Variants in CTBP2 observed in about 807,000 individuals in gnomAD.
CTBP2 encodes the protein C-terminal-binding protein 2.
A neutral mutation model predicts 80.3 loss-of-function variants in CTBP2; 30 were observed. The ratio of observed to expected loss-of-function variants is 0.37; its 90% CI spans 0.28 to 0.51. The LOEUF (loss-of-function observed/expected upper bound fraction) is 0.51, where lower values mean the gene tolerates loss of function less well. Ranked by LOEUF, CTBP2 falls within the 20% of genes least tolerant of loss-of-function variation. The pLI, the probability that CTBP2 is intolerant of heterozygous loss-of-function variation, is 0.93. For synonymous variants in CTBP2, 594 were observed against 587.4 expected (o/e 1.01, Z -0.16); for missense variants, 1,212 against 1,375.3 (o/e 0.88, Z 1.88).
intron 2 of CTBP2, among the ~76,000 whole-genome samples, chr10:125,051,246 G>T (rs1348415650): frequency 6.6e-6 from 1 of 152,182 alleles, no homozygotes; most frequent in Non-Finnish European, 1.5e-5. Context: ...TTAGGGAAAG[G>T]CAGGTCCCTG....
intron 2 of CTBP2, among the ~76,000 whole-genome samples, chr10:125,053,755 G>A (rs1032734877): frequency 6.6e-6 from 1 of 152,132 alleles, no homozygotes; most frequent in African/African-American, 2.4e-5. Flanking sequence ...CGGGTCTGAT[G>A]AGTGGGAAGA....
At chr10:125,108,133 G>C (rs975508053) in intron 2 of CTBP2, among the ~76,000 whole-genome samples, 1 of 152,180 alleles carries the variant, frequency 6.6e-6, no homozygotes, top group East Asian at 1.9e-4. Flanking sequence ...GCAACATACA[G>C]AACAGATAGT....
intron 2 of CTBP2, among the ~76,000 whole-genome samples, chr10:125,083,040 G>T (rs557549434): frequency 6.6e-6 from 1 of 152,190 alleles, no homozygotes; most frequent in East Asian, 1.9e-4. Flanking sequence ...AGCCAGCACA[G>T]GGTCCATCTC....
chr10:125,012,132 T>TG (rs1449902934), intron 1 of CTBP2, among the ~76,000 whole-genome samples: 1 of 152,224 alleles, frequency 6.6e-6, no homozygotes, highest in African/African-American at 2.4e-5. Context: ...GCCAAGGACG[T>TG]GAGGCTCTGC....
At chr10:125,036,991 A>T (rs1958971775) in intron 3 of CTBP2, among the ~76,000 whole-genome samples, 1 of 152,170 alleles carries the variant, frequency 6.6e-6, no homozygotes, top group Non-Finnish European at 1.5e-5. Flanking sequence ...ATGCCTAGGG[A>T]GCTGACATAT....
At chr10:125,157,726 C>CT (rs1565071292) in intron 1 of CTBP2, among the ~76,000 whole-genome samples, 2 of 152,196 alleles carry the variant, frequency 1.3e-5, no homozygotes, top group Non-Finnish European at 2.9e-5. Flanking sequence ...TCATGTTATA[C>CT]TTGATCAAGT....
At chr10:125,161,509 T>A (rs1333830396), upstream of CTBP2, among the ~76,000 whole-genome samples, 2 of 151,544 alleles carry the variant, frequency 1.3e-5, no homozygotes, top group Admixed American at 6.6e-5. Flanking sequence ...TTCCTCCTGG[T>A]GCCCCGCACC....
Position 125,021,926 on chromosome 10 carries a change from G to A in CTBP2, c.1678+4156C>T, listed in dbSNP as rs902112568. On this transcript the variant is annotated intron_variant, in intron 1 of 8. Coordinates refer to ENST00000309035, the MANE Select transcript of CTBP2 (RefSeq NM_022802.3). ...GATTTGGAAGGGAGGCCATGCCGAG[G>A]TTCTTGCTCTACCAGGCTGGGGTAG... Among the ~76,000 whole-genome samples, 30 of 152,236 alleles carry A rather than the reference G, an allele frequency of 2.0e-4. 1 individual carries two copies.
chr10:125,078,909 G>A (rs578197435), intron 2 of CTBP2, among the ~76,000 whole-genome samples: 12 of 151,818 alleles, frequency 7.9e-5, no homozygotes, highest in Non-Finnish European at 1.6e-4. Context: ...AGGCTGAGGC[G>A]GGCAGATCAT....
intron 2 of CTBP2, among the ~76,000 whole-genome samples, chr10:125,046,059 T>G (rs964707379): frequency 1.4e-4 from 22 of 151,734 alleles, no homozygotes; most frequent in African/African-American, 5.3e-4. Context: ...AATTCACAAG[T>G]GCTTGGGTTT....
intron 2 of CTBP2, among the ~76,000 whole-genome samples, chr10:125,083,312 T>C (rs1223533300): frequency 5.3e-5 from 8 of 152,066 alleles, no homozygotes; most frequent in Non-Finnish European, 1.2e-4. Context: ...GGCTTCTGGA[T>C]AAAAAAGAGT....
intron 1 of CTBP2, among the ~76,000 whole-genome samples, chr10:125,114,785 G>C (rs1483164572): frequency 6.7e-6 from 1 of 149,160 alleles, no homozygotes; most frequent in Non-Finnish European, 1.5e-5. Flanking sequence ...GCATGGAAGG[G>C]GTGCCCACCC....
rs749142958 is a variant in CTBP2, at chr10:124,997,945, C to T, written c.2185+19G>A. On this transcript the variant is annotated intron_variant, in intron 4 of 8. Transcript: ENST00000309035. ...CAGTGTCGGAGGGGTTGGGGGTCAGCGCAGAGGGTGGCACGTACCAAAGCC... is the reference window on the plus strand; with the variant it reads ...CAGTGTCGGAGGGGTTGGGGGTCAGTGCAGAGGGTGGCACGTACCAAAGCC... The T allele has an allele frequency of 1.4e-5, 22 of 1,604,578 alleles. No homozygotes were observed. Among genetic ancestry groups the T allele is most frequent in the East Asian group, 1.1e-4 (5 of 44,818 alleles).
chr10:125,146,461 T>C (rs1858795813), intron 1 of CTBP2, among the ~76,000 whole-genome samples: 1 of 151,826 alleles, frequency 6.6e-6, no homozygotes, highest in South Asian at 2.1e-4. Context: ...TTTGTATTTT[T>C]AGTAGAGACA....
At chr10:124,993,375 C>G in intron 6 of CTBP2, 46 bp from the exon 9 acceptor site, 1 of 1,580,668 alleles carries the variant, frequency 6.3e-7, no homozygotes, top group Non-Finnish European at 8.7e-7. Flanking sequence ...ATGTCGCATA[C>G]GCTCCCTGCC....
At chr10:125,108,257 C>T (rs1416905349) in intron 2 of CTBP2, among the ~76,000 whole-genome samples, 6 of 152,174 alleles carry the variant, frequency 3.9e-5, no homozygotes, top group South Asian at 4.1e-4. Flanking sequence ...CTAAAAAAGA[C>T]GGCCATAAAC....
chr10:124,991,434 A>C (rs1332946134), intron 8 of CTBP2, among the ~76,000 whole-genome samples: 1 of 152,208 alleles, frequency 6.6e-6, no homozygotes, highest in Non-Finnish European at 1.5e-5. Flanking sequence ...CCAACAGGGG[A>C]ATCTGGTGCT....
chr10:125,025,965 T>C (rs1957490189), intron 1 of CTBP2: 5 of 1,271,064 alleles, frequency 3.9e-6, no homozygotes, highest in South Asian at 3.0e-5. Flanking sequence ...TTTGGTGGTG[T>C]GTGTGTGTGT....
chr10:125,005,277 C>T (rs1016584839), intron 1 of CTBP2, among the ~76,000 whole-genome samples: 9 of 152,196 alleles, frequency 5.9e-5, no homozygotes, highest in African/African-American at 9.7e-5. Context: ...CAGCCAGCCC[C>T]GCATGGCCCC....
Sources: allele counts gnomAD v4.1 joint callset (sites outside exome capture counted in the v4.1 genomes callset), GRCh38; gene constraint gnomAD v4.1.1; transcripts MANE v1.5; gene names NCBI Gene and HGNC (gene_info 2026-07-23, HGNC 2026-07-21).